CNTNAP2: variants seen among roughly 807,000 people sequenced by gnomAD.
CNTNAP2 encodes contactin-associated protein-like 2.
CNTNAP2 carries 98 observed loss-of-function variants against 155.2 expected under a neutral mutation model. The ratio of observed to expected loss-of-function variants is 0.63; its 90% CI spans 0.54 to 0.75. The LOEUF (loss-of-function observed/expected upper bound fraction) is 0.75, where lower values mean the gene tolerates loss of function less well. Ranked by LOEUF, CNTNAP2 falls within the 30% of genes least tolerant of loss-of-function variation. The pLI is 0.00. For missense variants in CNTNAP2, 1,727 were observed against 1,688.1 expected (o/e 1.02, Z -0.40); for synonymous variants, 651 against 631.2 (o/e 1.03, Z -0.47).
chr7:146,274,311 T>C (rs1800130070), intron 1 of CNTNAP2, among the ~76,000 whole-genome samples: 1 of 152,170 alleles, frequency 6.6e-6, no homozygotes, highest in African/African-American at 2.4e-5. Context: ...AAGAAATGGG[T>C]ATTGACAATT....
At chr7:147,303,245 C>A (rs1350935303) in intron 9 of CNTNAP2, among the ~76,000 whole-genome samples, 1 of 152,232 alleles carries the variant, frequency 6.6e-6, no homozygotes. Context: ...ATTTCTTTAA[C>A]ATTTATGCTA....
At chr7:147,779,386 T>C (rs1797632600) in intron 13 of CNTNAP2, among the ~76,000 whole-genome samples, 1 of 152,174 alleles carries the variant, frequency 6.6e-6, no homozygotes, top group African/African-American at 2.4e-5. Flanking sequence ...CCAATGGCAA[T>C]TTTCATGTTG....
At chr7:146,558,997 A>G (rs1798240331) in intron 1 of CNTNAP2, among the ~76,000 whole-genome samples, 1 of 152,202 alleles carries the variant, frequency 6.6e-6, no homozygotes, top group Non-Finnish European at 1.5e-5. Context: ...AGATTTGCCA[A>G]CTGTCCCATA....
rs1584898585 is a variant in CNTNAP2, at chr7:147,360,574, G to GTAC, written c.1499-35035_1499-35034insTAC. Among the ~76,000 whole-genome samples, 6 of 151,934 alleles carry GTAC rather than the reference G, an allele frequency of 3.9e-5. No individual in the cohort carries two copies. The East Asian group carries it at 1.2e-3, about 29-fold the overall frequency. On this transcript the variant is annotated intron_variant, in intron 9 of 23. Coordinates refer to ENST00000361727, the MANE Select transcript of CNTNAP2 (RefSeq NM_014141.6). The stretch of plus-strand genomic sequence containing the variant: ...TTTCTCTATCTAAGGCATTCATGGT[G>GTAC]CTTTTTTCACTCTTTATATATCCTC...
chr7:146,680,984 G>C (rs530797517), intron 1 of CNTNAP2, among the ~76,000 whole-genome samples: 1 of 152,122 alleles, frequency 6.6e-6, no homozygotes, highest in Non-Finnish European at 1.5e-5. Flanking sequence ...CTAAAAAAAG[G>C]TTAATCAAAG....
intron 13 of CNTNAP2, among the ~76,000 whole-genome samples, chr7:147,667,636 G>T (rs1795717620): frequency 6.6e-6 from 1 of 151,912 alleles, no homozygotes; most frequent in Non-Finnish European, 1.5e-5. Flanking sequence ...GTTGGTGATG[G>T]TCCCACACAT....
intron 1 of CNTNAP2, among the ~76,000 whole-genome samples, chr7:146,679,186 G>T (rs1208230335): frequency 6.6e-6 from 1 of 151,886 alleles, no homozygotes; most frequent in Non-Finnish European, 1.5e-5. Flanking sequence ...ATAGGCCCTA[G>T]TGTGTATTGT....
chr7:147,050,053 T>C (rs992718257), intron 4 of CNTNAP2, among the ~76,000 whole-genome samples: 12 of 152,236 alleles, frequency 7.9e-5, no homozygotes, highest in African/African-American at 2.9e-4. Context: ...TCTAAACTCA[T>C]TTGAAATCAT....
intron 1 of CNTNAP2, among the ~76,000 whole-genome samples, chr7:146,375,921 ACCTTCACCTTCTCTTTG>A (rs1208760364): frequency 1.3e-5 from 2 of 152,180 alleles, no homozygotes; most frequent in African/African-American, 4.8e-5. Context: ...CATAGGTTAA[ACCTTCACCTTCTCTTTG>A]CCTTCACCCT....
At chr7:148,090,486 C>T (rs1413807273) in intron 15 of CNTNAP2, among the ~76,000 whole-genome samples, 1 of 151,900 alleles carries the variant, frequency 6.6e-6, no homozygotes, top group Non-Finnish European at 1.5e-5. Context: ...CATACATGTG[C>T]CAACAAATAT....
At chr7:148,192,425 T>C (rs910938874) in intron 18 of CNTNAP2, among the ~76,000 whole-genome samples, 85 of 151,784 alleles carry the variant, frequency 5.6e-4, no homozygotes, top group African/African-American at 2.0e-3. Context: ...TCAACTTAAA[T>C]ACCACATTAA....
At chr7:148,337,004 T>C (rs1194187741) in intron 21 of CNTNAP2, among the ~76,000 whole-genome samples, 1 of 124,952 alleles carries the variant, frequency 8.0e-6, no homozygotes, top group Non-Finnish European at 1.8e-5. Context: ...GCTGTAATTG[T>C]GAAATTAGGC....
rs558863357 is a variant in CNTNAP2, at chr7:146,233,946, A to G, written c.97+116973A>G. 2.0e-5 allele frequency among the ~76,000 whole-genome samples: 3 copies of G among 151,050 alleles called. No homozygotes were observed. In the Admixed American group the frequency reaches 2.0e-4, roughly 10 times the overall value. On this transcript the variant is annotated intron_variant, in intron 1 of 23. Transcript: ENST00000361727. The stretch of plus-strand genomic sequence containing the variant: ...AACATACGTGTGCATGTGTCTTTAT[A>G]GCAGCATGATTTATAGTCCTTTGGG...
At chr7:147,736,638 T>C (rs1180261929) in intron 13 of CNTNAP2, among the ~76,000 whole-genome samples, 4 of 152,106 alleles carry the variant, frequency 2.6e-5, no homozygotes, top group African/African-American at 9.7e-5. Flanking sequence ...GTTCCATTCT[T>C]CCCGTCACTT....
At chr7:147,853,626 T>C (rs1452362966) in intron 13 of CNTNAP2, among the ~76,000 whole-genome samples, 1 of 152,174 alleles carries the variant, frequency 6.6e-6, no homozygotes, top group African/African-American at 2.4e-5. Context: ...AGAATTTGGG[T>C]TGGCACAGTC....
At chr7:147,620,601 C>T (rs977523465) in intron 12 of CNTNAP2, among the ~76,000 whole-genome samples, 3 of 151,318 alleles carry the variant, frequency 2.0e-5, no homozygotes, top group Non-Finnish European at 4.4e-5. Flanking sequence ...AATTGGCATA[C>T]TGAAGAATGC....
At chr7:147,914,744 G>A (rs1800130278) in intron 14 of CNTNAP2, among the ~76,000 whole-genome samples, 2 of 151,940 alleles carry the variant, frequency 1.3e-5, no homozygotes, top group African/African-American at 4.8e-5. Flanking sequence ...AGAGATGGGG[G>A]TCTTGCCATT....
intron 9 of CNTNAP2, among the ~76,000 whole-genome samples, chr7:147,307,793 T>C (rs894783385): frequency 2.0e-5 from 3 of 152,238 alleles, no homozygotes; most frequent in African/African-American, 4.8e-5. Context: ...CTGTCTGTTA[T>C]AGAACTAAGG....
chr7:148,030,051 C>G (rs934512741), intron 15 of CNTNAP2, among the ~76,000 whole-genome samples: 1 of 152,124 alleles, frequency 6.6e-6, no homozygotes, highest in African/African-American at 2.4e-5. Context: ...AACTAATTTC[C>G]AACCCATTTG....
Sources: gnomAD v4.1 joint callset for allele counts (sites outside exome capture counted in the v4.1 genomes callset) on GRCh38, gnomAD v4.1.1 for gene constraint, MANE v1.5 for transcripts, NCBI Gene and HGNC (gene_info 2026-07-23, HGNC 2026-07-21) for gene names.